The following DTX4 variants were observed in gnomAD, a reference collection of about 807,000 sequenced individuals.
DTX4 encodes the protein deltex E3 ubiquitin ligase 4.
In DTX4, 28 loss-of-function variants were observed where a neutral mutation model predicts 57.6. The observed-to-expected ratio is 0.49, with a 90% CI of 0.36 to 0.67. The LOEUF (loss-of-function observed/expected upper bound fraction) is 0.67. DTX4 is among the 30% of genes least tolerant of loss of function. The pLI is 0.00. For missense variants in DTX4, 715 were observed against 836.8 expected (o/e 0.85, Z 1.80); for synonymous variants, 316 against 331.0 (o/e 0.95, Z 0.49).
chr11:59,196,960 G>A (rs865987725), intron 7 of DTX4, among the ~76,000 whole-genome samples: 24 of 152,052 alleles, frequency 1.6e-4, no homozygotes, highest in Non-Finnish European at 2.4e-4. Context: ...CCACCACCCC[G>A]GTCCATTGAA....
intron 1 of DTX4, among the ~76,000 whole-genome samples, chr11:59,179,458 A>C (rs188429103): frequency 1.3e-5 from 2 of 152,242 alleles, no homozygotes; most frequent in African/African-American, 4.8e-5. Context: ...CCTTTTAACC[A>C]ATCAAATGTT....
At chr11:59,178,818 C>T (rs1862425913) in intron 1 of DTX4, among the ~76,000 whole-genome samples, 1 of 152,030 alleles carries the variant, frequency 6.6e-6, no homozygotes, top group African/African-American at 2.4e-5. Context: ...GTAAAAATGG[C>T]AAAAGAGGCC....
chr11:59,177,085 C>T (rs1862404903), intron 1 of DTX4, among the ~76,000 whole-genome samples: 1 of 152,202 alleles, frequency 6.6e-6, no homozygotes, highest in South Asian at 2.1e-4. Flanking sequence ...CACCATTTTA[C>T]CACTTTCCCA....
At chr11:59,179,259 G>A (rs1357380649) in intron 1 of DTX4, among the ~76,000 whole-genome samples, 2 of 152,184 alleles carry the variant, frequency 1.3e-5, no homozygotes, top group African/African-American at 4.8e-5. Context: ...ACCAATTTGA[G>A]AGCAGCAGAA....
chr11:59,188,350 A>G (rs1256355647), intron 2 of DTX4, among the ~76,000 whole-genome samples: 1 of 152,196 alleles, frequency 6.6e-6, no homozygotes, highest in Non-Finnish European at 1.5e-5. Flanking sequence ...GTAGGAGGAA[A>G]CTAAGCAGTT....
rs185809861 is a variant in DTX4, at chr11:59,207,357, T to A, written c.*2448T>A. ...GGCAATACCACTTGGAGAGGTCGACTTCATACCTTCAAGCCTTTTCCCCTG... is the reference window on the plus strand; with the variant it reads ...GGCAATACCACTTGGAGAGGTCGACATCATACCTTCAAGCCTTTTCCCCTG... On this transcript the variant is annotated 3_prime_UTR_variant, in exon 9 of 9. Coordinates refer to ENST00000227451, the MANE Select transcript of DTX4 (RefSeq NM_015177.2). 6.6e-6 allele frequency: 1 copy of A among 152,500 alleles called. No individual in the cohort carries two copies. Among genetic ancestry groups the A allele is most frequent in the East Asian group, 1.9e-4 (1 of 5,188 alleles). 9.4% of individuals were successfully genotyped at this position (152,500 alleles called of 1,614,324 possible). A position where few individuals can be genotyped will look rare whatever the true frequency, so the allele number is the denominator to read the frequency against.
chr11:59,184,985 C>T (rs1862510383), intron 2 of DTX4, among the ~76,000 whole-genome samples: 1 of 152,220 alleles, frequency 6.6e-6, no homozygotes, highest in Non-Finnish European at 1.5e-5. Context: ...TTTCCCCCTC[C>T]TCTCTCTGCC....
intron 1 of DTX4, among the ~76,000 whole-genome samples, chr11:59,178,314 G>C (rs1030941857): frequency 6.6e-6 from 1 of 152,086 alleles, no homozygotes; most frequent in Non-Finnish European, 1.5e-5. Flanking sequence ...GTCATGGAAG[G>C]GATTTACGCA....
chr11:59,178,028 T>G (rs56364359), intron 1 of DTX4, among the ~76,000 whole-genome samples: 6,469 of 152,268 alleles, frequency 0.042, 437 homozygotes, highest in African/African-American at 0.14. Flanking sequence ...TTGAGATGAA[T>G]GCTATTAAAA....
chr11:59,194,488 A>G (rs1327359542), intron 6 of DTX4, among the ~76,000 whole-genome samples: 1 of 152,152 alleles, frequency 6.6e-6, no homozygotes, highest in East Asian at 1.9e-4. Context: ...AACCTGTATG[A>G]GCATCAGTCT....
chr11:59,178,184 G>C (rs762814559), intron 1 of DTX4, among the ~76,000 whole-genome samples: 4 of 152,158 alleles, frequency 2.6e-5, no homozygotes, highest in Non-Finnish European at 5.9e-5. Flanking sequence ...CCCAGAATCA[G>C]AGAAGCCTGG....
At chr11:59,173,359 G>A (rs969330982) in intron 1 of DTX4, among the ~76,000 whole-genome samples, 2 of 152,324 alleles carry the variant, frequency 1.3e-5, no homozygotes, top group East Asian at 1.9e-4. Flanking sequence ...GGGATTCCCC[G>A]GAGGTTCTCG....
At chr11:59,195,498 C>G in intron 7 of DTX4, 129 bp downstream of exon 7, 1 of 1,051,304 alleles carries the variant, frequency 9.5e-7, no homozygotes, top group Non-Finnish European at 1.3e-6. Flanking sequence ...CAGCCTTGCC[C>G]GCTGACACTA....
chr11:59,188,315 G>A (rs886327207), intron 2 of DTX4, among the ~76,000 whole-genome samples: 3 of 152,220 alleles, frequency 2.0e-5, no homozygotes, highest in African/African-American at 7.2e-5. Context: ...TGATAGGTAG[G>A]ATTTAAGCCA....
chr11:59,204,677 T>C lies in DTX4; in HGVS notation c.1628T>C (p.Val543Ala). 1 of 1,611,814 alleles carries C rather than the reference T, an allele frequency of 6.2e-7. No individual in the cohort carries two copies. Among genetic ancestry groups the C allele is most frequent in the Non-Finnish European group, 8.5e-7 (1 of 1,178,954 alleles). Residue 543 changes from valine to alanine, a missense_variant and splice_region_variant, in exon 9 of 9, where the codon GTT becomes GCT. Physicochemically the swap from Val to Ala is moderately conservative, Grantham distance 64. Coordinates refer to ENST00000227451, the MANE Select transcript of DTX4 (RefSeq NM_015177.2). Reference sequence around the variant, plus strand: ...CATGTCCCACTTTTATCCCTCTAGGTTCTGAAGCTGCTGCTCGTGGCCTGG... The same window carrying C: ...CATGTCCCACTTTTATCCCTCTAGGCTCTGAAGCTGCTGCTCGTGGCCTGG... ...YLPDSEKGRK[V>A]LKLLLVAWDR... is the part of the protein sequence containing the mutation.
At chr11:59,188,851 A>G (rs764413580) in intron 3 of DTX4, 55 bp downstream of exon 3, 32 of 1,476,982 alleles carry the variant, frequency 2.2e-5, no homozygotes, top group Non-Finnish European at 2.8e-5. Flanking sequence ...GAGTGATGAA[A>G]TAGGTCATGA....
chr11:59,182,687 A>G (rs1203145309), intron 2 of DTX4, among the ~76,000 whole-genome samples: 1 of 152,174 alleles, frequency 6.6e-6, no homozygotes, highest in Non-Finnish European at 1.5e-5. Context: ...GGCTCTTCCT[A>G]GCCATATGAT....
intron 7 of DTX4, among the ~76,000 whole-genome samples, chr11:59,198,879 G>A (rs987886226): frequency 1.3e-5 from 2 of 152,170 alleles, no homozygotes; most frequent in African/African-American, 4.8e-5. Flanking sequence ...AAAATTTGCC[G>A]CTTTTCATGA....
At chr11:59,197,033 A>G (rs767820454) in intron 7 of DTX4, among the ~76,000 whole-genome samples, 6 of 152,200 alleles carry the variant, frequency 3.9e-5, no homozygotes, top group African/African-American at 1.4e-4. Flanking sequence ...GTTTTAGACA[A>G]CAGGCCCTTG....
Sources: allele counts gnomAD v4.1 joint callset (sites outside exome capture counted in the v4.1 genomes callset), GRCh38; gene constraint gnomAD v4.1.1; transcripts MANE v1.5; gene names NCBI Gene and HGNC (gene_info 2026-07-23, HGNC 2026-07-21).